SLC44A5: variants seen among roughly 807,000 people sequenced by gnomAD.
SLC44A5 encodes the protein solute carrier family 44 member 5.
SLC44A5 carries 57 observed loss-of-function variants against 101.8 expected under a neutral mutation model. The ratio of observed to expected loss-of-function variants is 0.56; its 90% CI spans 0.45 to 0.70. The LOEUF (loss-of-function observed/expected upper bound fraction) is 0.70, where lower values mean the gene tolerates loss of function less well. Among genes scored for constraint, SLC44A5 ranks in the 30% least tolerant of loss-of-function variants. The probability of loss-of-function intolerance (pLI) is 0.00; values close to 1 mark genes in which losing one functional copy is unlikely to be tolerated. For synonymous variants in SLC44A5, 281 were observed against 290.9 expected (o/e 0.97, Z 0.35); for missense variants, 737 against 853.1 (o/e 0.86, Z 1.70).
chr1:75,516,479 T>C (rs570668464), intron 2 of SLC44A5, among the ~76,000 whole-genome samples: 5 of 152,170 alleles, frequency 3.3e-5, no homozygotes, highest in African/African-American at 7.2e-5. Flanking sequence ...ATCGCACCAC[T>C]GCACTCCAGC....
intron 12 of SLC44A5, among the ~76,000 whole-genome samples, chr1:75,233,749 G>C (rs1353498289): frequency 6.6e-6 from 1 of 152,062 alleles, no homozygotes; most frequent in Non-Finnish European, 1.5e-5. Flanking sequence ...GAGACCAAAG[G>C]CTGGTAGGGA....
At chr1:75,508,938 C>A (rs2101863904) in intron 2 of SLC44A5, among the ~76,000 whole-genome samples, 1 of 152,278 alleles carries the variant, frequency 6.6e-6, no homozygotes, top group East Asian at 1.9e-4. Context: ...TCTAGACCTT[C>A]TGAAGAAGGC....
At chr1:75,510,124 C>A (rs1010930675) in intron 2 of SLC44A5, among the ~76,000 whole-genome samples, 6 of 152,122 alleles carry the variant, frequency 3.9e-5, no homozygotes, top group Non-Finnish European at 8.8e-5. Context: ...ATTCAATTAC[C>A]TCCCACTGGG....
At chr1:75,301,135 T>A (rs1267552833) in intron 4 of SLC44A5, among the ~76,000 whole-genome samples, 5 of 152,190 alleles carry the variant, frequency 3.3e-5, no homozygotes, top group African/African-American at 1.2e-4. Flanking sequence ...AGATAAAGGA[T>A]TGACTACATT....
intron 2 of SLC44A5, among the ~76,000 whole-genome samples, chr1:75,499,967 C>T (rs1034903127): frequency 3.9e-5 from 6 of 152,108 alleles, no homozygotes; most frequent in Admixed American, 2.6e-4. Flanking sequence ...TAGACCCTGC[C>T]CATAAACCCC....
chr1:75,278,964 G>A (rs1193381971), intron 5 of SLC44A5, among the ~76,000 whole-genome samples: 1 of 152,024 alleles, frequency 6.6e-6, no homozygotes, highest in African/African-American at 2.4e-5. Context: ...GGGTACACAT[G>A]ATGTTTTGAT....
intron 1 of SLC44A5, chr1:75,582,349 C>G: frequency 8.4e-7 from 1 of 1,183,856 alleles, no homozygotes; most frequent in Non-Finnish European, 1.2e-6. Flanking sequence ...AGCCCAAGAT[C>G]CCAAAGGGTG....
intron 7 of SLC44A5, among the ~76,000 whole-genome samples, chr1:75,249,289 A>G (rs993441383): frequency 1.1e-4 from 17 of 152,132 alleles, no homozygotes; most frequent in African/African-American, 3.9e-4. Flanking sequence ...GGAACCAAGA[A>G]GAAGCAAAAA....
chr1:75,599,129 TC>T (rs1239967392), intron 1 of SLC44A5, among the ~76,000 whole-genome samples: 14 of 147,544 alleles, frequency 9.5e-5, no homozygotes, highest in African/African-American at 3.3e-4. Flanking sequence ...TCATTTAGTA[TC>T]TGTGATATGT....
At chr1:75,551,644 T>C (rs964785732) in intron 1 of SLC44A5, among the ~76,000 whole-genome samples, 3 of 152,026 alleles carry the variant, frequency 2.0e-5, no homozygotes, top group Non-Finnish European at 4.4e-5. Context: ...GTCCACATAA[T>C]AACCCAGTTT....
the SLC44A5 span, among the ~76,000 whole-genome samples, chr1:75,667,908 G>T: frequency 1.3e-5 from 2 of 152,192 alleles, no homozygotes; most frequent in Non-Finnish European, 2.9e-5. Flanking sequence ...CGAAGAATAT[G>T]GAAACACATG....
At chr1:75,383,983 A>G (rs1661102736) in intron 3 of SLC44A5, among the ~76,000 whole-genome samples, 2 of 151,752 alleles carry the variant, frequency 1.3e-5, no homozygotes, top group Non-Finnish European at 2.9e-5. Flanking sequence ...GAGAAATAAA[A>G]TACTTTACAG....
intron 8 of SLC44A5, 89 bp from the exon 9 acceptor site, chr1:75,242,150 C>T: frequency 2.1e-6 from 2 of 937,820 alleles, no homozygotes; most frequent in South Asian, 1.6e-5. Context: ...AAAAATTTAA[C>T]TCCATAATAA....
the SLC44A5 span, among the ~76,000 whole-genome samples, chr1:75,687,339 T>C: frequency 6.6e-6 from 1 of 152,182 alleles, no homozygotes; most frequent in Non-Finnish European, 1.5e-5. Flanking sequence ...AGTCTCACTC[T>C]GTCACACAGG....
At chr1:75,556,736 T>C (rs1822540) in intron 1 of SLC44A5, among the ~76,000 whole-genome samples, 2,556 of 152,216 alleles carry the variant, frequency 0.017, 65 homozygotes, top group African/African-American at 0.058. Context: ...CAGGTCTGTT[T>C]TACCTACTAA....
At chr1:75,717,590 C>A in the SLC44A5 span, among the ~76,000 whole-genome samples, 1 of 151,990 alleles carries the variant, frequency 6.6e-6, no homozygotes, top group Non-Finnish European at 1.5e-5. Context: ...AACCTGCACA[C>A]GTACCTCTGA....
chr1:75,310,352 T>C (rs1655203688), intron 4 of SLC44A5, among the ~76,000 whole-genome samples: 3 of 152,170 alleles, frequency 2.0e-5, no homozygotes, highest in Admixed American at 2.0e-4. Context: ...TGTTTATGCC[T>C]CATGTCACAA....
intron 2 of SLC44A5, among the ~76,000 whole-genome samples, chr1:75,479,421 T>G: frequency 6.6e-6 from 1 of 151,684 alleles, no homozygotes; most frequent in Non-Finnish European, 1.5e-5. Context: ...CTGAAGGAAA[T>G]AGAGACACAA....
chr1:75,404,791 A>G (rs888474153), intron 2 of SLC44A5, among the ~76,000 whole-genome samples: 1 of 152,228 alleles, frequency 6.6e-6, no homozygotes, highest in African/African-American at 2.4e-5. Context: ...ACATCAACTA[A>G]TGGGCAAAAT....
Sources: allele counts gnomAD v4.1 joint callset (sites outside exome capture counted in the v4.1 genomes callset), GRCh38; gene constraint gnomAD v4.1.1; transcripts MANE v1.5; gene names NCBI Gene and HGNC (gene_info 2026-07-23, HGNC 2026-07-21).